SACS: variants seen among roughly 807,000 people sequenced by gnomAD.
SACS encodes sacsin molecular chaperone, also known as sacsin.
SACS carries 197 observed loss-of-function variants against 348.0 expected under a neutral mutation model. The observed-to-expected ratio is 0.57, with a 90% CI of 0.50 to 0.64. SACS has a LOEUF of 0.64. Among genes scored for constraint, SACS ranks in the 30% least tolerant of loss-of-function variants. The pLI, the probability that SACS is intolerant of heterozygous loss-of-function variation, is 0.00. For missense variants in SACS, 4,999 were observed against 5,360.8 expected (o/e 0.93, Z 2.11); for synonymous variants, 1,985 against 1,910.6 (o/e 1.04, Z -1.02).
At chr13:23,426,016 T>C (rs1874158398) in intron 1 of SACS, among the ~76,000 whole-genome samples, 1 of 152,206 alleles carries the variant, frequency 6.6e-6, no homozygotes, top group Non-Finnish European at 1.5e-5. Context: ...CATAACAGCC[T>C]AGTGATTTGG....
intron 2 of SACS, among the ~76,000 whole-genome samples, chr13:23,401,220 G>A (rs1351528270): frequency 6.6e-6 from 1 of 152,112 alleles, no homozygotes; most frequent in African/African-American, 2.4e-5. Flanking sequence ...AACTCAAGCT[G>A]GGAACTGCTT....
In SACS at chr13:23,381,858, T is replaced by C. The variant is rs560573230; in HGVS notation, c.21-6589A>G. Among the ~76,000 whole-genome samples the C allele has an allele frequency of 8.5e-4, 130 of 152,362 alleles. 1 individual carries two copies. The highest frequency in any genetic ancestry group is 3.0e-3 in the African/African-American group (124 of 41,592). On this transcript the variant is annotated intron_variant, in intron 2 of 9. Coordinates refer to ENST00000382292, the MANE Select transcript of SACS (RefSeq NM_014363.6). ...CAATGAACAGTTCAATGGGTTATCA[T>C]TACTTTATTGCTGTGCAGAGCCTTT... is the stretch of plus-strand genomic sequence containing the variant.
At chr13:23,344,950 T>C (rs1168138343) in intron 9 of SACS, among the ~76,000 whole-genome samples, 1 of 152,216 alleles carries the variant, frequency 6.6e-6, no homozygotes, top group Non-Finnish European at 1.5e-5. Flanking sequence ...TGAGAATGAA[T>C]TCCAGCACAG....
intron 2 of SACS, among the ~76,000 whole-genome samples, chr13:23,403,495 A>G (rs796093159): frequency 6.6e-6 from 1 of 152,176 alleles, no homozygotes. Context: ...GTATATGTCC[A>G]GGAATTTATC....
intron 2 of SACS, among the ~76,000 whole-genome samples, chr13:23,406,741 A>C (rs1208467672): frequency 6.6e-6 from 1 of 152,196 alleles, no homozygotes; most frequent in East Asian, 1.9e-4. Context: ...AAAACCCCTC[A>C]CGTCATCAAT....
chr13:23,350,164 AG>A (rs1566076743), intron 9 of SACS, among the ~76,000 whole-genome samples: 1 of 152,236 alleles, frequency 6.6e-6, no homozygotes, highest in Admixed American at 6.5e-5. Flanking sequence ...TAAAAGAAAC[AG>A]AAAAATCCAC....
rs1424856269 is a variant in SACS at position 23,336,203 on chromosome 13, G to A, written c.7673C>T (p.Ala2558Val). Residue 2558 changes from alanine to valine, a missense_variant, in exon 10 of 10, where the codon GCG becomes GTG. Coordinates refer to ENST00000382292, the MANE Select transcript of SACS (RefSeq NM_014363.6). ...ATCAAACACAAAACAGATTTCTGTC[G>A]CCTTTGCATCATCAGCATTTTGAAG... ...ELLQNADDAKATEICFVFDPR... is the reference protein window; with the variant it reads ...ELLQNADDAKVTEICFVFDPR... 2.5e-6 allele frequency: 4 copies of A among 1,613,976 alleles called. No homozygotes were observed. The highest frequency in any genetic ancestry group is 2.5e-6 in the Non-Finnish European group (3 of 1,179,918).
chr13:23,408,856 G>T lies in SACS; in HGVS notation c.20+2364C>A, dbSNP rs546086630. Among the ~76,000 whole-genome samples, 139 of 151,010 alleles carry T rather than the reference G, an allele frequency of 9.2e-4. 3 individuals are homozygous for T. In the South Asian group the frequency reaches 0.029, roughly 31 times the overall value. Reference sequence around the variant, plus strand: ...GGTGGGCACCTGTAGTCCCAGCTCGGGAGGCTGAGGCAGGAGAATGGCATG... The same window carrying T: ...GGTGGGCACCTGTAGTCCCAGCTCGTGAGGCTGAGGCAGGAGAATGGCATG... On this transcript the variant is annotated intron_variant, in intron 2 of 9. Transcript: ENST00000382292.
Position 23,375,197 on chromosome 13 carries a change from C to A in SACS, c.93G>T (p.Val31=), listed in dbSNP as rs1235785042. The A allele has an allele frequency of 2.5e-5, 37 of 1,506,002 alleles. No homozygotes were observed. Among genetic ancestry groups the A allele is most frequent in the Non-Finnish European group, 3.1e-5 (35 of 1,127,638 alleles). The allele number at this position is 1,506,002 out of a possible 1,614,324, so 93.3% of individuals were successfully genotyped here. A position where few individuals can be genotyped will look rare whatever the true frequency, so the allele number is the denominator to read the frequency against. ...RTVAALASWT[V]RDVKERIFAE... ...CGAAGATACGTTCCTTCACATCGCG[C>A]ACGGTCCAGGACGCCAGCGCCGCGA... The change falls in exon 3 of 10, where the codon GTG becomes GTT. Residue 31 remains valine, a synonymous_variant. Coordinates refer to ENST00000382292, the MANE Select transcript of SACS (RefSeq NM_014363.6).
chr13:23,339,955 T>C lies in SACS; in HGVS notation c.3921A>G (p.Val1307=). 1 of 1,613,928 alleles carries C rather than the reference T, an allele frequency of 6.2e-7. No homozygotes were observed. Among genetic ancestry groups the C allele is most frequent in the East Asian group, 2.2e-5 (1 of 44,870 alleles). ...GGTGGAATTTTGCCATGGTTTTAGGTACATTATGCAAATAAGGCTGAAGGT... is the reference window on the plus strand; with the variant it reads ...GGTGGAATTTTGCCATGGTTTTAGGCACATTATGCAAATAAGGCTGAAGGT... The part of the protein sequence containing the change: ...DLDLQPYLHN[V]PKTMAKFHQL... Residue 1307 remains valine (V), a synonymous_variant, in exon 10 of 10, where the codon GTA becomes GTG. Coordinates refer to ENST00000382292, the MANE Select transcript of SACS (RefSeq NM_014363.6).
chr13:23,356,820 A>G (rs1870419983), intron 7 of SACS, among the ~76,000 whole-genome samples: 1 of 152,178 alleles, frequency 6.6e-6, no homozygotes, highest in African/African-American at 2.4e-5. Context: ...CAGTGAAGTC[A>G]ATCTTTAATA....
rs144325733 is a variant in SACS at position 23,353,094 on chromosome 13, G to C, written c.2185+691C>G. On this transcript the variant is annotated intron_variant, in intron 9 of 9. Transcript: ENST00000382292. ...TCAGGTAACAGTTTCACAAGGAAAAGGATGCTTGCAGAAGTTGAAAGGTAG... is the reference window on the plus strand; with the variant it reads ...TCAGGTAACAGTTTCACAAGGAAAACGATGCTTGCAGAAGTTGAAAGGTAG... Among the ~76,000 whole-genome samples, 769 of 152,282 alleles carry C rather than the reference G, an allele frequency of 5.0e-3. 3 individuals carry two copies. Among genetic ancestry groups the C allele is most frequent in the African/African-American group, 0.018 (745 of 41,564 alleles).
At position 23,341,592 on chromosome 13, in the gene SACS, C is replaced by A. The variant is rs753219677; in HGVS notation, c.2284G>T (p.Val762Phe). The A allele has an allele frequency of 6.2e-7, 1 of 1,613,910 alleles. No homozygotes were observed. Among genetic ancestry groups the A allele is most frequent in the Non-Finnish European group, 8.5e-7 (1 of 1,179,950 alleles). The change falls in exon 10 of 10, where the codon GTT becomes TTT. Residue 762 changes from valine to phenylalanine, a missense_variant. This residue lies in a region of SACS where 3,156 missense variants were observed against 3,380.1 expected (regional missense o/e 0.93). Coordinates refer to ENST00000382292, the MANE Select transcript of SACS (RefSeq NM_014363.6). The stretch of plus-strand genomic sequence containing the variant: ...TTTTCATCAAATGGATACCATTGAA[C>A]AATCAATTCTCTGCCAGGCCAGAAT... The part of the protein sequence containing the change: ...NTFWPGRELI[V>F]QWYPFDENRN...
chr13:23,347,873 A>AT (rs1038698926), intron 9 of SACS, among the ~76,000 whole-genome samples: 109 of 152,256 alleles, frequency 7.2e-4, no homozygotes, highest in African/African-American at 2.5e-3. Context: ...AGGGAAGGAG[A>AT]TTAAAAATAG....
intron 9 of SACS, among the ~76,000 whole-genome samples, chr13:23,343,632 C>T (rs1451203320): frequency 6.6e-6 from 1 of 152,044 alleles, no homozygotes; most frequent in Non-Finnish European, 1.5e-5. Flanking sequence ...TGCAGTGAGC[C>T]GAGATTGCGC....
chr13:23,391,306 T>C (rs1872518708), intron 2 of SACS, among the ~76,000 whole-genome samples: 1 of 152,218 alleles, frequency 6.6e-6, no homozygotes, highest in Non-Finnish European at 1.5e-5. Flanking sequence ...CAAGCATCTT[T>C]CCACAGACTC....
At chr13:23,361,543 G>A (rs865973473) in intron 6 of SACS, among the ~76,000 whole-genome samples, 2 of 152,106 alleles carry the variant, frequency 1.3e-5, no homozygotes, top group African/African-American at 2.4e-5. Flanking sequence ...TTGGGAGGCC[G>A]AGGTGGGAAG....
rs926442927 is a variant in SACS at position 23,430,877 on chromosome 13, C to T, written c.-502+2738G>A. Among the ~76,000 whole-genome samples the T allele has an allele frequency of 5.3e-5, 8 of 152,148 alleles. No homozygotes were observed. The South Asian group carries it at 6.2e-4, about 12-fold the overall frequency. ...AGATCTCTCCTGACAAAACCCAGAA[C>T]CAACGTGTCACCTTGGGTTTCACAT... On this transcript the variant is annotated intron_variant, in intron 1 of 9. Coordinates refer to ENST00000382292, the MANE Select transcript of SACS (RefSeq NM_014363.6).
Position 23,330,155 on chromosome 13 carries a change from A to T in SACS, c.13721T>A (p.Phe4574Tyr). Reference sequence around the variant, plus strand: ...ATATCTTCACACTTTTTGTTGCATAAAATTTTCAAGTTTTATTATGATACA... The same window carrying T: ...ATATCTTCACACTTTTTGTTGCATATAATTTTCAAGTTTTATTATGATACA... ...TACIIIKLEN[F>Y]MQQKV is the part of the protein sequence containing the mutation. The change falls in exon 10 of 10, where the codon TTT (phenylalanine) becomes TAT (tyrosine). Residue 4574 changes from phenylalanine to tyrosine, a missense_variant. By Grantham distance (22) the Phe-to-Tyr change is conservative. Transcript: ENST00000382292. The T allele has an allele frequency of 6.2e-7, 1 of 1,613,980 alleles. No individual in the cohort carries two copies. The highest frequency in any genetic ancestry group is 8.5e-7 in the Non-Finnish European group (1 of 1,179,886).
Sources: gnomAD v4.1 joint callset for allele counts (sites outside exome capture counted in the v4.1 genomes callset) on GRCh38, gnomAD v4.1.1 for gene constraint, gnomAD v4.1.1 regional missense constraint, MANE v1.5 for transcripts, NCBI Gene and HGNC (gene_info 2026-07-23, HGNC 2026-07-21) for gene names.